The following RUNX2 variants were observed in gnomAD, a reference collection of about 807,000 sequenced individuals.
RUNX2 encodes the protein RUNX family transcription factor 2.
A neutral mutation model predicts 51.7 loss-of-function variants in RUNX2; 10 were observed. The ratio of observed to expected loss-of-function variants is 0.19; its 90% CI spans 0.12 to 0.33. The LOEUF is 0.33. Ranked by LOEUF, RUNX2 falls within the 10% of genes least tolerant of loss-of-function variation. The pLI is 1.00. For missense variants in RUNX2, 562 were observed against 691.3 expected (o/e 0.81, Z 2.10); for synonymous variants, 276 against 273.6 (o/e 1.01, Z -0.09).
chr6:45,400,661 T>A (rs1797696937), intron 2 of RUNX2, among the ~76,000 whole-genome samples: 1 of 152,224 alleles, frequency 6.6e-6, no homozygotes, highest in Non-Finnish European at 1.5e-5. Context: ...CTTATGTATT[T>A]TTTTATTTCA....
At chr6:45,445,313 C>T (rs1205085701) in intron 5 of RUNX2, among the ~76,000 whole-genome samples, 2 of 152,076 alleles carry the variant, frequency 1.3e-5, no homozygotes, top group Non-Finnish European at 1.5e-5. Context: ...TGTGAGCCAC[C>T]GCGCCCGGCC....
At position 45,523,125 on chromosome 6, in the gene RUNX2, C is replaced by CT. The variant is rs545384643; in HGVS notation, c.1021+10724dup. 1.4e-4 allele frequency among the ~76,000 whole-genome samples: 21 copies of CT among 152,148 alleles called. No individual in the cohort carries two copies. In the East Asian group the frequency reaches 3.9e-3, roughly 28 times the overall value. ...TTAATAAATATTAGCCAAGTTCATA[C>CT]TTTTTTCAGGAAAAATAGGATCACT... On this transcript the variant is annotated intron_variant, in intron 7 of 8. Transcript: ENST00000647337.
intron 2 of RUNX2, among the ~76,000 whole-genome samples, chr6:45,346,325 G>A (rs1790850731): frequency 6.6e-6 from 1 of 152,080 alleles, no homozygotes; most frequent in South Asian, 2.1e-4. Flanking sequence ...AAATAAAATA[G>A]ATTTTTAAAG....
At chr6:45,452,582 T>C (rs957235819) in intron 5 of RUNX2, among the ~76,000 whole-genome samples, 1 of 152,208 alleles carries the variant, frequency 6.6e-6, no homozygotes, top group Non-Finnish European at 1.5e-5. Context: ...AATTAATTAG[T>C]ACACCTGCAC....
At chr6:45,537,485 A>G (rs1009795004) in intron 7 of RUNX2, among the ~76,000 whole-genome samples, 1 of 152,214 alleles carries the variant, frequency 6.6e-6, no homozygotes, top group African/African-American at 2.4e-5. Context: ...CATATAGTAT[A>G]GTCAGTGGCA....
intron 6 of RUNX2, among the ~76,000 whole-genome samples, chr6:45,492,342 G>T (rs11498199): frequency 1.8e-4 from 27 of 152,080 alleles, no homozygotes; most frequent in Non-Finnish European, 3.2e-4. Flanking sequence ...CTACTCTGCA[G>T]CAATCTCAGT....
intron 2 of RUNX2, among the ~76,000 whole-genome samples, chr6:45,395,615 A>G (rs1304007555): frequency 2.0e-5 from 3 of 152,238 alleles, no homozygotes; most frequent in African/African-American, 7.2e-5. Context: ...TCTTTACCTT[A>G]CATTATAAAC....
At chr6:45,413,029 G>A (rs1303650340) in intron 2 of RUNX2, among the ~76,000 whole-genome samples, 1 of 151,964 alleles carries the variant, frequency 6.6e-6, no homozygotes, top group African/African-American at 2.4e-5. Flanking sequence ...GGGATTACAG[G>A]CGTGAGCCAC....
intron 5 of RUNX2, among the ~76,000 whole-genome samples, chr6:45,469,812 C>T (rs142106862): frequency 2.1e-3 from 322 of 152,316 alleles, no homozygotes; most frequent in African/African-American, 7.5e-3. Flanking sequence ...GAGTATCCCT[C>T]TCCAATGACA....
chr6:45,528,413 G>C (rs1801738210), intron 7 of RUNX2, among the ~76,000 whole-genome samples: 1 of 152,252 alleles, frequency 6.6e-6, no homozygotes, highest in African/African-American at 2.4e-5. Context: ...TTGAGGTCAG[G>C]AGTTCAAGAT....
chr6:45,430,256 C>T (rs148768772), intron 3 of RUNX2, among the ~76,000 whole-genome samples: 1 of 152,178 alleles, frequency 6.6e-6, no homozygotes, highest in Non-Finnish European at 1.5e-5. Context: ...CAGCTTTGGC[C>T]TGGTATATTT....
intron 7 of RUNX2, among the ~76,000 whole-genome samples, chr6:45,530,696 C>A (rs1007732556): frequency 1.3e-5 from 2 of 152,178 alleles, no homozygotes; most frequent in African/African-American, 2.4e-5. Context: ...AGGAGGGCAC[C>A]TTGAACTCTT....
intron 5 of RUNX2, among the ~76,000 whole-genome samples, chr6:45,439,985 G>A (rs1350745873): frequency 1.3e-5 from 2 of 152,056 alleles, no homozygotes; most frequent in Admixed American, 1.3e-4. Flanking sequence ...AGGAGTAGAG[G>A]GGCCAGGTGG....
intron 2 of RUNX2, among the ~76,000 whole-genome samples, chr6:45,388,854 CA>C (rs1274183991): frequency 1.3e-5 from 2 of 152,146 alleles, no homozygotes; most frequent in Admixed American, 6.5e-5. Context: ...TCTCTACTCT[CA>C]TTTTACATTT....
At chr6:45,437,570 A>T (rs1798719049) in intron 4 of RUNX2, among the ~76,000 whole-genome samples, 1 of 152,178 alleles carries the variant, frequency 6.6e-6, no homozygotes, top group Admixed American at 6.5e-5. Context: ...ACCCAACCCT[A>T]AATAAAGACT....
chr6:45,547,115 T>C lies in RUNX2; in HGVS notation c.1376T>C (p.Val459Ala). ...TCAGGATCCTATCAGTTTCCCATGGTGCCGGGGGGAGACCGGTCTCCTTCC... is the reference window on the plus strand; with the variant it reads ...TCAGGATCCTATCAGTTTCCCATGGCGCCGGGGGGAGACCGGTCTCCTTCC... Reference protein sequence around the residue: ...TSSGSYQFPMVPGGDRSPSRM... With the variant: ...TSSGSYQFPMAPGGDRSPSRM... Residue 459 changes from valine to alanine, a missense_variant, in exon 9 of 9, where the codon GTG (valine) becomes GCG (alanine). Physicochemically the swap from Val to Ala is moderately conservative, Grantham distance 64. Coordinates refer to ENST00000647337, the MANE Select transcript of RUNX2 (RefSeq NM_001024630.4). The C allele has an allele frequency of 6.2e-7, 1 of 1,614,084 alleles. No individual in the cohort carries two copies. The highest frequency in any genetic ancestry group is 8.5e-7 in the Non-Finnish European group (1 of 1,180,004).
rs1319864186 is a variant in RUNX2 at position 45,549,155 on chromosome 6, A to G, written c.*1850A>G. ...GGCAGATTTCCAAGTGCAAATCCTT[A>G]ATCCAAACAAGGATCATCTAATGAC... is the stretch of plus-strand genomic sequence containing the variant. On this transcript the variant is annotated 3_prime_UTR_variant, in exon 9 of 9. Transcript: ENST00000647337. 1 of 398,488 alleles carries G rather than the reference A, an allele frequency of 2.5e-6. No individual in the cohort carries two copies. Among genetic ancestry groups the G allele is most frequent in the Non-Finnish European group, 4.4e-6 (1 of 226,102 alleles). The allele number at this position is 398,488 out of a possible 1,614,324, so 24.7% of individuals were successfully genotyped here. A position where few individuals can be genotyped will look rare whatever the true frequency, so the allele number is the denominator to read the frequency against.
intron 5 of RUNX2, among the ~76,000 whole-genome samples, chr6:45,463,950 T>C (rs964301018): frequency 2.0e-5 from 3 of 152,120 alleles, no homozygotes; most frequent in Non-Finnish European, 4.4e-5. Context: ...TCCCAGCACA[T>C]TGGGAGGCTG....
chr6:45,348,497 T>A (rs1376155604), intron 2 of RUNX2, among the ~76,000 whole-genome samples: 1 of 47,640 alleles, frequency 2.1e-5, no homozygotes, highest in Admixed American at 2.4e-4. Flanking sequence ...TGAAACCCCG[T>A]CTCTACTAAA....
Sources: allele counts gnomAD v4.1 joint callset (sites outside exome capture counted in the v4.1 genomes callset), GRCh38; gene constraint gnomAD v4.1.1; transcripts MANE v1.5; gene names NCBI Gene and HGNC (gene_info 2026-07-23, HGNC 2026-07-21).